Variants in PLA2G4E observed in about 807,000 individuals in gnomAD.
The protein encoded by PLA2G4E is phospholipase A2 group IVE, also known as cytosolic phospholipase A2 epsilon.
In PLA2G4E, 84 loss-of-function variants were observed where a neutral mutation model predicts 109.1. That is an observed-to-expected ratio of 0.77 (90% CI 0.65 to 0.92). The LOEUF (loss-of-function observed/expected upper bound fraction) is 0.92, where lower values mean the gene tolerates loss of function less well. Among genes scored for constraint, PLA2G4E ranks in the 40% least tolerant of loss-of-function variants. The pLI is 0.00. For missense variants in PLA2G4E, 1,057 were observed against 1,076.6 expected, an observed-to-expected ratio of 0.98 and a Z score of 0.25; for synonymous variants, 469 against 436.1, an observed-to-expected ratio of 1.08 and a Z score of -0.94.
At chr15:41,991,972 C>T (rs918187088) in intron 13 of PLA2G4E, among the ~76,000 whole-genome samples, 1 of 152,170 alleles carries the variant, frequency 6.6e-6, no homozygotes, top group Admixed American at 6.5e-5. Context: ...CTGTGCTGTG[C>T]CATGTGTCCA....
intron 1 of PLA2G4E, among the ~76,000 whole-genome samples, chr15:42,019,955 C>G (rs1471365888): frequency 6.6e-6 from 1 of 152,214 alleles, no homozygotes; most frequent in East Asian, 1.9e-4. Flanking sequence ...TGTGGAAGAC[C>G]TCTCCTGGCC....
Position 41,999,597 on chromosome 15 carries a change from A to T in PLA2G4E, c.937-36T>A, listed in dbSNP as rs768662075. 6 of 1,606,606 alleles carry T rather than the reference A, an allele frequency of 3.7e-6. No homozygotes were observed. The African/African-American group carries it at 8.0e-5, about 22-fold the overall frequency. On this transcript the variant is annotated intron_variant, in intron 9 of 19. Coordinates refer to ENST00000399518, the Ensembl canonical transcript of PLA2G4E. Reference sequence around the variant, plus strand: ...AAAGATGAAAAGCTTGTCAGAGGTGACAATTCAGAGCCAAGTGATCCCAGA... The same window carrying T: ...AAAGATGAAAAGCTTGTCAGAGGTGTCAATTCAGAGCCAAGTGATCCCAGA...
At chr15:42,039,537 G>GTATA (rs10635761) in intron 1 of PLA2G4E, among the ~76,000 whole-genome samples, 54 of 151,080 alleles carry the variant, frequency 3.6e-4, no homozygotes, top group East Asian at 9.7e-4. Flanking sequence ...GTATGTGTAC[G>GTATA]TATATATATA....
At chr15:41,984,880 A>G (rs967695641) in intron 18 of PLA2G4E, among the ~76,000 whole-genome samples, 1 of 152,236 alleles carries the variant, frequency 6.6e-6, no homozygotes, top group African/African-American at 2.4e-5. Context: ...ATCCAAACAC[A>G]GACTTGGGTG....
At chr15:42,034,789 A>G (rs1459565591) in intron 1 of PLA2G4E, among the ~76,000 whole-genome samples, 2 of 152,238 alleles carry the variant, frequency 1.3e-5, no homozygotes, top group African/African-American at 4.8e-5. Context: ...AAAAAAGACA[A>G]AATCCTGAGG....
At chr15:42,043,665 T>C (rs1889359252) in intron 1 of PLA2G4E, among the ~76,000 whole-genome samples, 1 of 151,532 alleles carries the variant, frequency 6.6e-6, no homozygotes, top group South Asian at 2.1e-4. Context: ...AAGACAAATG[T>C]AGAGGAAAGA....
intron 18 of PLA2G4E, among the ~76,000 whole-genome samples, chr15:41,984,921 G>A (rs1187040762): frequency 1.3e-5 from 2 of 152,212 alleles, no homozygotes; most frequent in Non-Finnish European, 2.9e-5. Context: ...AGGGCGACTG[G>A]AACCAGGCTA....
In PLA2G4E at chr15:41,983,904, G is replaced by A. The variant is rs2068097939; in HGVS notation, c.2457C>T (p.Ala819=). 4.3e-6 allele frequency: 7 copies of A among 1,613,414 alleles called. No individual in the cohort carries two copies. The African/African-American group carries it at 6.7e-5, about 15-fold the overall frequency. ...CCTCTGTGTATGTCAGCTCCTTGGT[G>A]GCATAGGGAGTTTTGGGACCATAAA... The change falls in exon 20 of 20, where the codon GCC becomes GCT. Residue 819 remains alanine, a synonymous_variant. Coordinates refer to ENST00000399518, the Ensembl canonical transcript of PLA2G4E.
chr15:42,009,817 C>G (rs769896680), intron 2 of PLA2G4E: 2 of 162,772 alleles, frequency 1.2e-5, no homozygotes, highest in African/African-American at 2.4e-5. Flanking sequence ...TTTCACCCAC[C>G]CTTCTCCTTG....
chr15:42,043,361 G>A (rs1013022398), intron 1 of PLA2G4E, among the ~76,000 whole-genome samples: 1 of 152,020 alleles, frequency 6.6e-6, no homozygotes, highest in African/African-American at 2.4e-5. Context: ...GGAAATATGT[G>A]AGGAAGGTGG....
At chr15:41,997,012 A>T in intron 11 of PLA2G4E, 112 bp downstream of exon 11, 1 of 1,352,258 alleles carries the variant, frequency 7.4e-7, no homozygotes, top group Middle Eastern at 2.3e-4. Context: ...CTCAGCAGTA[A>T]AAGCATCCAT....
intron 19 of PLA2G4E, 58 bp downstream of exon 19, chr15:41,984,378 A>T (rs565769096): frequency 6.6e-7 from 1 of 1,524,276 alleles, no homozygotes; most frequent in South Asian, 1.2e-5. Flanking sequence ...TACAGATCTA[A>T]AGGCATTCCC....
chr15:42,013,586 C>A lies in PLA2G4E; in HGVS notation c.256+99G>T, dbSNP rs1395622906. 2.8e-6 allele frequency: 3 copies of A among 1,052,842 alleles called. No individual in the cohort carries two copies. The African/African-American group carries it at 4.8e-5, about 17-fold the overall frequency. 65.2% of individuals were successfully genotyped at this position (1,052,842 alleles called of 1,614,324 possible). On this transcript the variant is annotated intron_variant, in intron 2 of 19. Transcript: ENST00000399518. Reference sequence around the variant, plus strand: ...CCATGCACGTGCACACGTGCGCGCGCACACACACACACGGATCCACCTGAC... The same window carrying A: ...CCATGCACGTGCACACGTGCGCGCGAACACACACACACGGATCCACCTGAC...
intron 1 of PLA2G4E, chr15:42,050,506 G>A: frequency 1.3e-6 from 2 of 1,546,122 alleles, no homozygotes; most frequent in East Asian, 2.4e-5. Context: ...CCCCCTCCCA[G>A]GAACACAGAC....
intron 1 of PLA2G4E, chr15:42,050,484 A>G (rs919022281): frequency 6.5e-7 from 1 of 1,529,606 alleles, no homozygotes. Context: ...GTTAAAATTT[A>G]AGGGACCAGA....
intron 1 of PLA2G4E, among the ~76,000 whole-genome samples, chr15:42,049,853 C>T (rs981568246): frequency 1.3e-5 from 2 of 152,254 alleles, no homozygotes; most frequent in African/African-American, 2.4e-5. Context: ...GAAGCTCACA[C>T]GCCCGCCCAG....
intron 5 of PLA2G4E, among the ~76,000 whole-genome samples, chr15:42,003,035 G>A (rs2068437975): frequency 6.6e-6 from 1 of 152,232 alleles, no homozygotes; most frequent in Admixed American, 6.5e-5. Context: ...CAACCTGCCA[G>A]CTAGAGCAGA....
chr15:42,022,636 T>A (rs150040596), intron 1 of PLA2G4E, among the ~76,000 whole-genome samples: 18 of 152,168 alleles, frequency 1.2e-4, no homozygotes, highest in African/African-American at 4.3e-4. Flanking sequence ...TGTGCTCCTA[T>A]GAGAATCTAA....
At chr15:42,043,516 A>C (rs1889354058) in intron 1 of PLA2G4E, among the ~76,000 whole-genome samples, 2 of 147,728 alleles carry the variant, frequency 1.4e-5, no homozygotes, top group South Asian at 4.3e-4. Context: ...GCTAATAGAC[A>C]CATCCTCACA....
Sources: allele counts gnomAD v4.1 joint callset (sites outside exome capture counted in the v4.1 genomes callset), GRCh38; gene constraint gnomAD v4.1.1; transcripts MANE v1.5; gene names NCBI Gene and HGNC (gene_info 2026-07-23, HGNC 2026-07-21).